Variants in RBMS1 observed in about 807,000 individuals in gnomAD.
RBMS1 encodes RNA-binding motif, single-stranded-interacting protein 1.
In RBMS1, 17 loss-of-function variants were observed where a neutral mutation model predicts 62.3. That is an observed-to-expected ratio of 0.27 (90% CI 0.19 to 0.41). RBMS1 has a LOEUF of 0.41. Ranked by LOEUF, RBMS1 falls within the 10% of genes least tolerant of loss-of-function variation. The probability of loss-of-function intolerance (pLI) is 1.00; values close to 1 mark genes in which losing one functional copy is unlikely to be tolerated. For synonymous variants in RBMS1, 172 were observed against 170.0 expected, an observed-to-expected ratio of 1.01 and a Z score of -0.09; for missense variants, 334 against 504.5, an observed-to-expected ratio of 0.66 and a Z score of 3.24.
intron 1 of RBMS1, among the ~76,000 whole-genome samples, chr2:160,425,900 T>A (rs970642982): frequency 6.6e-6 from 1 of 152,020 alleles, no homozygotes; most frequent in African/African-American, 2.4e-5. Flanking sequence ...CAGTAGTGGG[T>A]CTCTATTACT....
At chr2:160,355,896 C>A (rs1281962702) in intron 2 of RBMS1, among the ~76,000 whole-genome samples, 3 of 152,032 alleles carry the variant, frequency 2.0e-5, no homozygotes, top group Non-Finnish European at 4.4e-5. Context: ...AGTGCAGTAT[C>A]TAGAAAAATC....
intron 2 of RBMS1, among the ~76,000 whole-genome samples, chr2:160,342,010 C>T (rs1691899815): frequency 6.6e-6 from 1 of 152,134 alleles, no homozygotes. Context: ...ATTGAGATGT[C>T]CTGAATTCTG....
Position 160,355,974 on chromosome 2 carries a change from C to T in RBMS1, c.251+11242G>A, listed in dbSNP as rs969759043. Among the ~76,000 whole-genome samples, 3 of 152,098 alleles carry T rather than the reference C, an allele frequency of 2.0e-5. No individual in the cohort carries two copies. In the East Asian group the frequency reaches 5.8e-4, roughly 29 times the overall value. ...AATGGGATTCACCATTCACTTCTCC[C>T]CGAAGTGTCTTGATCTTATGTTTTA... On this transcript the variant is annotated intron_variant, in intron 2 of 13. Coordinates refer to ENST00000348849, the MANE Select transcript of RBMS1 (RefSeq NM_016836.4).
At chr2:160,292,751 G>A (rs1342083362) in intron 6 of RBMS1, among the ~76,000 whole-genome samples, 1 of 152,196 alleles carries the variant, frequency 6.6e-6, no homozygotes, top group African/African-American at 2.4e-5. Context: ...GCTGGCTGTA[G>A]GCTGGGTGTG....
chr2:160,491,050 C>CT (rs60306775), intron 1 of RBMS1, among the ~76,000 whole-genome samples: 13,130 of 145,694 alleles, frequency 0.09, 771 homozygotes, highest in East Asian at 0.24. Context: ...AAATCAAAGT[C>CT]TTTTTTTTTT....
chr2:160,379,717 T>C (rs1328356214), intron 1 of RBMS1, among the ~76,000 whole-genome samples: 1 of 152,244 alleles, frequency 6.6e-6, no homozygotes, highest in African/African-American at 2.4e-5. Context: ...AGAAAAAAAG[T>C]GAAGATATTA....
intron 2 of RBMS1, among the ~76,000 whole-genome samples, chr2:160,353,273 T>C (rs1692616957): frequency 1.3e-5 from 2 of 152,126 alleles, no homozygotes; most frequent in South Asian, 4.1e-4. Flanking sequence ...CTACACTTGC[T>C]GGACTAGTTC....
intron 1 of RBMS1, among the ~76,000 whole-genome samples, chr2:160,449,841 A>T (rs556394119): frequency 5.4e-4 from 82 of 152,222 alleles, no homozygotes; most frequent in East Asian, 1.7e-3. Context: ...AAAAAAAATT[A>T]AAAAATGGGG....
chr2:160,448,758 G>A (rs984928274), intron 1 of RBMS1, among the ~76,000 whole-genome samples: 8 of 149,342 alleles, frequency 5.4e-5, no homozygotes, highest in South Asian at 2.2e-4. Flanking sequence ...GCCGCCCATC[G>A]TCTGGGATGT....
At chr2:160,333,730 A>T (rs1691410644) in intron 2 of RBMS1, among the ~76,000 whole-genome samples, 1 of 152,198 alleles carries the variant, frequency 6.6e-6, no homozygotes, top group South Asian at 2.1e-4. Flanking sequence ...GGAGAGTAAT[A>T]AGCACTTCTA....
intron 2 of RBMS1, among the ~76,000 whole-genome samples, chr2:160,355,466 T>C (rs1363963652): frequency 6.6e-6 from 1 of 152,148 alleles, no homozygotes; most frequent in Non-Finnish European, 1.5e-5. Flanking sequence ...TATTTGTTAA[T>C]GATATCAAAT....
intron 1 of RBMS1, among the ~76,000 whole-genome samples, chr2:160,454,576 G>T (rs1684138082): frequency 6.6e-6 from 1 of 152,176 alleles, no homozygotes; most frequent in Non-Finnish European, 1.5e-5. Context: ...CCCAAAAGAA[G>T]GGGAATATAC....
chr2:160,409,934 T>C (rs1448249659), intron 1 of RBMS1, among the ~76,000 whole-genome samples: 1 of 151,940 alleles, frequency 6.6e-6, no homozygotes, highest in African/African-American at 2.4e-5. Context: ...TAAAAGAATG[T>C]TAAAAAGACT....
At chr2:160,492,913 G>C (rs1685902080) in intron 1 of RBMS1, 1 of 199,628 alleles carries the variant, frequency 5.0e-6, no homozygotes, top group South Asian at 1.2e-4. Flanking sequence ...AGAAGGGGTC[G>C]AAAAGCCGGG....
At chr2:160,385,190 C>T (rs192522571) in intron 1 of RBMS1, among the ~76,000 whole-genome samples, 2 of 152,224 alleles carry the variant, frequency 1.3e-5, no homozygotes, top group East Asian at 3.9e-4. Context: ...TATAGAACCA[C>T]CAACAGACTA....
chr2:160,357,812 C>G (rs1230845620), intron 2 of RBMS1, among the ~76,000 whole-genome samples: 1 of 152,152 alleles, frequency 6.6e-6, no homozygotes, highest in Non-Finnish European at 1.5e-5. Flanking sequence ...GACAAACCGA[C>G]TGACAGTTCT....
At chr2:160,277,055 A>G (rs1230476068) in intron 12 of RBMS1, among the ~76,000 whole-genome samples, 1 of 151,956 alleles carries the variant, frequency 6.6e-6, no homozygotes, top group Non-Finnish European at 1.5e-5. Flanking sequence ...TTTTCAAACA[A>G]TTTTATTTTT....
chr2:160,340,159 G>A (rs1691796352), intron 2 of RBMS1, among the ~76,000 whole-genome samples: 1 of 151,642 alleles, frequency 6.6e-6, no homozygotes, highest in South Asian at 2.1e-4. Context: ...TGTTACTTTT[G>A]ACAGAAAATA....
chr2:160,359,577 T>C (rs1339337649), intron 2 of RBMS1, among the ~76,000 whole-genome samples: 1 of 152,214 alleles, frequency 6.6e-6, no homozygotes, highest in Non-Finnish European at 1.5e-5. Flanking sequence ...GTAATTTCTA[T>C]ACATTCCAAA....
Sources: gnomAD v4.1 joint callset for allele counts (sites outside exome capture counted in the v4.1 genomes callset) on GRCh38, gnomAD v4.1.1 for gene constraint, MANE v1.5 for transcripts, NCBI Gene and HGNC (gene_info 2026-07-23, HGNC 2026-07-21) for gene names.